The following FAM178B variants were observed in gnomAD, a reference collection of about 807,000 sequenced individuals.
FAM178B encodes protein FAM178B.
In FAM178B, 82 loss-of-function variants were observed where a neutral mutation model predicts 91.7. The observed-to-expected ratio is 0.89, with a 90% CI of 0.75 to 1.07. The LOEUF is 1.07. Among genes scored for constraint, FAM178B ranks in the 50% least tolerant of loss-of-function variants. The probability of loss-of-function intolerance (pLI) is 0.00; values close to 1 mark genes in which losing one functional copy is unlikely to be tolerated. For synonymous variants in FAM178B, 368 were observed against 359.4 expected (o/e 1.02, Z -0.27); for missense variants, 769 against 846.7 (o/e 0.91, Z 1.14).
chr2:96,877,999 C>G lies in FAM178B; in HGVS notation c.1898G>C (p.Ser633Thr). The G allele has an allele frequency of 6.2e-7, 1 of 1,612,810 alleles. No homozygotes were observed. The highest frequency in any genetic ancestry group is 1.1e-5 in the South Asian group (1 of 91,080). Residue 633 changes from serine (S) to threonine (T), a missense_variant, in exon 16 of 17, where the codon AGC becomes ACC. By Grantham distance (58) the Ser-to-Thr change is moderately conservative. Coordinates refer to ENST00000490605, the MANE Select transcript of FAM178B (RefSeq NM_001122646.3). Reference protein sequence around the residue: ...LLCMQLDRHISTQIRESPQAM... With the variant: ...LLCMQLDRHITTQIRESPQAM... ...CTGGGGGCTCTCCCGGATCTGCGTG[C>G]TGATGTGGCGGTCCAACTGCATGCA...
At chr2:96,957,570 C>T (rs1239476997) in intron 6 of FAM178B, among the ~76,000 whole-genome samples, 1 of 152,216 alleles carries the variant, frequency 6.6e-6, no homozygotes, top group East Asian at 1.9e-4. Flanking sequence ...CAGGTCACCG[C>T]TCCATGGGCC....
At chr2:96,968,987 A>G (rs1039303752) in intron 4 of FAM178B, among the ~76,000 whole-genome samples, 5 of 151,942 alleles carry the variant, frequency 3.3e-5, no homozygotes, top group African/African-American at 1.2e-4. Context: ...TCCCCCTCCC[A>G]CCAAACAAAA....
intron 8 of FAM178B, among the ~76,000 whole-genome samples, chr2:96,936,497 G>A (rs1343433297): frequency 2.1e-5 from 3 of 141,270 alleles, no homozygotes; most frequent in African/African-American, 9.1e-5. Context: ...ACCACGCCCG[G>A]GTTTTTTTTT....
Position 96,896,518 on chromosome 2 carries a change from C to T in FAM178B, c.1651-2467G>A, listed in dbSNP as rs60502908. ...CTGCTGGCAGCTGGCTCTACAAACA[C>T]TCGGCCGCTTAGGGCAGACACCTAG... On this transcript the variant is annotated intron_variant, in intron 13 of 16. Coordinates refer to ENST00000490605, the MANE Select transcript of FAM178B (RefSeq NM_001122646.3). Among the ~76,000 whole-genome samples the T allele has an allele frequency of 9.9e-5, 15 of 152,254 alleles. No homozygotes were observed. The East Asian group carries it at 2.3e-3, about 24-fold the overall frequency.
At chr2:96,885,964 C>T (rs1574187470) in intron 14 of FAM178B, among the ~76,000 whole-genome samples, 1 of 152,212 alleles carries the variant, frequency 6.6e-6, no homozygotes, top group East Asian at 1.9e-4. Flanking sequence ...GTTGCATAAC[C>T]ACCTGACAGA....
At position 96,921,541 on chromosome 2, in the gene FAM178B, G is replaced by T. The variant is rs2081339610; in HGVS notation, c.1401C>A (p.Pro467=). 6.4e-7 allele frequency: 1 copy of T among 1,551,558 alleles called. No individual in the cohort carries two copies. Among genetic ancestry groups the T allele is most frequent in the Non-Finnish European group, 8.7e-7 (1 of 1,146,982 alleles). Residue 467 remains proline, a synonymous_variant, in exon 11 of 17, where the codon CCC becomes CCA. Coordinates refer to ENST00000490605, the MANE Select transcript of FAM178B (RefSeq NM_001122646.3). ...GGAGAAGCTGCTGGAGGTCAACTTT[G>T]GGCAGCAGGCGGAGCCCCACGTCCA... The part of the protein sequence containing the change: ...TSLDVGLRLL[P]KVDLQQLLLL...
At chr2:96,981,538 T>G (rs2082360652) in intron 1 of FAM178B, among the ~76,000 whole-genome samples, 1 of 151,344 alleles carries the variant, frequency 6.6e-6, no homozygotes, top group Admixed American at 6.6e-5. Flanking sequence ...GATCACGAGG[T>G]GAGGAGATCG....
intron 1 of FAM178B, among the ~76,000 whole-genome samples, chr2:96,973,069 C>T (rs542899292): frequency 9.9e-5 from 15 of 151,366 alleles, no homozygotes; most frequent in African/African-American, 2.4e-4. Flanking sequence ...ATTAGCCGGG[C>T]GTGGCGGCGT....
intron 1 of FAM178B, among the ~76,000 whole-genome samples, chr2:96,984,890 T>C (rs1335648226): frequency 2.6e-5 from 4 of 152,190 alleles, no homozygotes; most frequent in African/African-American, 4.8e-5. Context: ...CTGCAGTTAC[T>C]GGACTCAGGC....
chr2:96,923,859 C>T (rs1438187465), intron 9 of FAM178B, among the ~76,000 whole-genome samples: 1 of 152,248 alleles, frequency 6.6e-6, no homozygotes, highest in Non-Finnish European at 1.5e-5. Flanking sequence ...TGCCTCCCGG[C>T]TCACTCACCT....
chr2:96,986,417 C>T lies in FAM178B; in HGVS notation c.-104G>A. On this transcript the variant is annotated 5_prime_UTR_variant, in exon 1 of 17. Coordinates refer to ENST00000490605, the MANE Select transcript of FAM178B (RefSeq NM_001122646.3). ...CGGGAAAGGAAGCAGGAGCAGGCTC[C>T]CCAGGCGGCGCAGTGGGAGGACCCC... 1 of 1,395,158 alleles carries T rather than the reference C, an allele frequency of 7.2e-7. No individual in the cohort carries two copies. 86.4% of individuals were successfully genotyped at this position (1,395,158 alleles called of 1,614,324 possible).
chr2:96,971,579 C>T (rs2082218492), intron 3 of FAM178B, among the ~76,000 whole-genome samples: 1 of 152,176 alleles, frequency 6.6e-6, no homozygotes, highest in Admixed American at 6.5e-5. Context: ...TCTGAGATCC[C>T]TCCTTGCTCC....
intron 12 of FAM178B, among the ~76,000 whole-genome samples, chr2:96,919,479 C>T (rs576794092): frequency 9.2e-5 from 14 of 152,332 alleles, no homozygotes; most frequent in Middle Eastern, 3.4e-3. Context: ...GACTGATTTA[C>T]GTGAGCCAGA....
chr2:96,905,502 A>G (rs1455038082), intron 12 of FAM178B, among the ~76,000 whole-genome samples: 1 of 150,844 alleles, frequency 6.6e-6, no homozygotes, highest in Admixed American at 6.6e-5. Context: ...GGTTGCAGTG[A>G]GCAGAGATCA....
intron 12 of FAM178B, among the ~76,000 whole-genome samples, chr2:96,902,982 C>T (rs1002539057): frequency 1.3e-5 from 2 of 152,248 alleles, no homozygotes; most frequent in Non-Finnish European, 2.9e-5. Context: ...TTTTTATCCC[C>T]TCTGCCGATA....
chr2:96,960,569 A>G (rs2082065639), intron 5 of FAM178B, 129 bp from the exon 6 acceptor site: 2 of 1,119,708 alleles, frequency 1.8e-6, no homozygotes, highest in Admixed American at 3.0e-5. Context: ...CGGCAAACCA[A>G]GGGGACAGCG....
chr2:96,900,459 C>T (rs1324579274), intron 13 of FAM178B, among the ~76,000 whole-genome samples: 1 of 152,188 alleles, frequency 6.6e-6, no homozygotes, highest in East Asian at 1.9e-4. Context: ...TGCCGAGGGG[C>T]AGCAGGGGCC....
intron 7 of FAM178B, among the ~76,000 whole-genome samples, chr2:96,948,194 T>C (rs2081862817): frequency 6.6e-6 from 1 of 152,206 alleles, no homozygotes; most frequent in African/African-American, 2.4e-5. Flanking sequence ...CCTCCTGGCA[T>C]GGGGGTCTTG....
In FAM178B at chr2:96,877,986, C is replaced by T. The variant is rs1344123798; in HGVS notation, c.1911G>A (p.Arg637=). Residue 637 remains arginine (R), a synonymous_variant, in exon 16 of 17, where the codon CGG becomes CGA. Coordinates refer to ENST00000490605, the MANE Select transcript of FAM178B (RefSeq NM_001122646.3). ...TGCGGTGCATGGCCTGGGGGCTCTC[C>T]CGGATCTGCGTGCTGATGTGGCGGT... ...QLDRHISTQI[R]ESPQAMHRTM... 1 of 1,613,458 alleles carries T rather than the reference C, an allele frequency of 6.2e-7. No homozygotes were observed. Among genetic ancestry groups the T allele is most frequent in the Non-Finnish European group, 8.5e-7 (1 of 1,180,030 alleles).
Sources: allele counts gnomAD v4.1 joint callset (sites outside exome capture counted in the v4.1 genomes callset), GRCh38; gene constraint gnomAD v4.1.1; transcripts MANE v1.5; gene names NCBI Gene and HGNC (gene_info 2026-07-23, HGNC 2026-07-21).